Variants in NTNG1 observed in about 807,000 individuals in gnomAD.
The protein encoded by NTNG1 is netrin-G1.
In NTNG1, 16 loss-of-function variants were observed where a neutral mutation model predicts 54.0. That is an observed-to-expected ratio of 0.30 (90% CI 0.20 to 0.45). The LOEUF (loss-of-function observed/expected upper bound fraction) is 0.45, where lower values mean the gene tolerates loss of function less well. Ranked by LOEUF, NTNG1 falls within the 20% of genes least tolerant of loss-of-function variation. NTNG1 has a pLI of 1.00. For missense variants in NTNG1, 530 were observed against 678.7 expected (o/e 0.78, Z 2.43); for synonymous variants, 255 against 263.1 (o/e 0.97, Z 0.30).
At chr1:107,391,313 T>C (rs1672342837) in intron 3 of NTNG1, among the ~76,000 whole-genome samples, 1 of 152,110 alleles carries the variant, frequency 6.6e-6, no homozygotes, top group African/African-American at 2.4e-5. Flanking sequence ...CCAAAATATA[T>C]TTGTGTAAAA....
At chr1:107,333,908 C>G in intron 3 of NTNG1, 1 of 148,374 alleles carries the variant, frequency 6.7e-6, no homozygotes, top group Admixed American at 6.8e-5. Context: ...AAATTAAGTA[C>G]TGTATTGGAA....
At chr1:107,383,388 A>G (rs1181229939) in intron 3 of NTNG1, among the ~76,000 whole-genome samples, 2 of 152,206 alleles carry the variant, frequency 1.3e-5, no homozygotes, top group Admixed American at 1.3e-4. Context: ...AATCCAAGGA[A>G]GTATATAAGA....
chr1:107,353,072 A>G lies in NTNG1; in HGVS notation c.887+28150A>G, dbSNP rs561869607. Among the ~76,000 whole-genome samples, 3 of 152,320 alleles carry G rather than the reference A, an allele frequency of 2.0e-5. No homozygotes were observed. The East Asian group carries it at 5.8e-4, about 29-fold the overall frequency. ...GAAATGCCTTCAAGGCTGTTCCCCCATTGTCTTGGATATTAACATTTGCAT... is the reference window on the plus strand; with the variant it reads ...GAAATGCCTTCAAGGCTGTTCCCCCGTTGTCTTGGATATTAACATTTGCAT... On this transcript the variant is annotated intron_variant, in intron 3 of 7. Coordinates refer to ENST00000370068, the MANE Select transcript of NTNG1 (RefSeq NM_001113226.3).
At chr1:107,191,933 A>G (rs111705782) in intron 2 of NTNG1, among the ~76,000 whole-genome samples, 9,700 of 152,086 alleles carry the variant, frequency 0.064, 407 homozygotes, top group African/African-American at 0.12. Context: ...TTCCATATGA[A>G]CTTTAAAGTA....
intron 2 of NTNG1, among the ~76,000 whole-genome samples, chr1:107,257,511 C>G (rs888888723): frequency 5.9e-5 from 9 of 152,074 alleles, no homozygotes; most frequent in African/African-American, 2.2e-4. Flanking sequence ...ATGAAAAGAC[C>G]AAAACCTATC....
At chr1:107,262,900 G>A (rs577935534) in intron 2 of NTNG1, among the ~76,000 whole-genome samples, 3 of 152,144 alleles carry the variant, frequency 2.0e-5, no homozygotes, top group South Asian at 2.1e-4. Context: ...ATTCTTAGCC[G>A]TGAACATCTG....
At chr1:107,150,105 T>C (rs1424319553) in intron 2 of NTNG1, among the ~76,000 whole-genome samples, 3 of 152,194 alleles carry the variant, frequency 2.0e-5, no homozygotes, top group African/African-American at 7.2e-5. Flanking sequence ...GTTTGAATTA[T>C]AGTCTAAACC....
At chr1:107,475,439 G>A (rs1172593353) in intron 7 of NTNG1, among the ~76,000 whole-genome samples, 2 of 152,148 alleles carry the variant, frequency 1.3e-5, no homozygotes, top group Non-Finnish European at 2.9e-5. Context: ...TTCTATGCAA[G>A]CAAATTACAT....
intron 2 of NTNG1, among the ~76,000 whole-genome samples, chr1:107,258,589 T>G (rs1228068655): frequency 6.6e-6 from 1 of 152,236 alleles, no homozygotes; most frequent in African/African-American, 2.4e-5. Context: ...ATACCTGTTT[T>G]AAGGTGGCTT....
chr1:107,377,361 T>A (rs1195039766), intron 3 of NTNG1, among the ~76,000 whole-genome samples: 1 of 152,136 alleles, frequency 6.6e-6, no homozygotes, highest in African/African-American at 2.4e-5. Context: ...GAGAACTCCT[T>A]TATCCCTCTA....
chr1:107,312,142 A>G (rs1667054883), intron 2 of NTNG1, among the ~76,000 whole-genome samples: 1 of 152,200 alleles, frequency 6.6e-6, no homozygotes, highest in African/African-American at 2.4e-5. Context: ...TGAGCCTATT[A>G]ATGATAATTC....
At chr1:107,307,652 T>C (rs1422914752) in intron 2 of NTNG1, among the ~76,000 whole-genome samples, 1 of 152,232 alleles carries the variant, frequency 6.6e-6, no homozygotes, top group Admixed American at 6.5e-5. Flanking sequence ...AATTATTTGT[T>C]CCAGTTGTCC....
At chr1:107,265,137 C>G (rs376175794) in intron 2 of NTNG1, among the ~76,000 whole-genome samples, 85 of 152,300 alleles carry the variant, frequency 5.6e-4, no homozygotes, top group African/African-American at 1.9e-3. Flanking sequence ...TTCCAATATT[C>G]TATCTCAGTT....
intron 3 of NTNG1, among the ~76,000 whole-genome samples, chr1:107,369,382 A>T (rs1377000750): frequency 6.6e-6 from 1 of 152,196 alleles, no homozygotes; most frequent in Non-Finnish European, 1.5e-5. Flanking sequence ...TGAGAGTTCC[A>T]GTTCCTCCAC....
rs398049560 is a variant in NTNG1 at position 107,354,468 on chromosome 1, CAAAAAAA to C, written c.887+29564_887+29570del. Among the ~76,000 whole-genome samples, 18 of 66,126 alleles carry C rather than the reference CAAAAAAA, an allele frequency of 2.7e-4. No individual in the cohort carries two copies. In the Admixed American group the frequency reaches 3.0e-3, roughly 11 times the overall value. The allele number at this position is 66,126 out of a possible 152,430, so 43.4% of individuals were successfully genotyped here. A position where few individuals can be genotyped will look rare whatever the true frequency, so the allele number is the denominator to read the frequency against. On this transcript the variant is annotated intron_variant, in intron 3 of 7. Coordinates refer to ENST00000370068, the MANE Select transcript of NTNG1 (RefSeq NM_001113226.3). ...TGGACGACAAACTGAGACTCCATCT[CAAAAAAA>C]AAAAAAAAAAAAAAAAAGAATTAAA...
chr1:107,394,906 T>A (rs546111112), intron 3 of NTNG1, among the ~76,000 whole-genome samples: 1 of 152,240 alleles, frequency 6.6e-6, no homozygotes, highest in Admixed American at 6.5e-5. Flanking sequence ...AGGCCCCCAC[T>A]GACTTGACTG....
At chr1:107,194,530 A>T (rs1658185300) in intron 2 of NTNG1, among the ~76,000 whole-genome samples, 1 of 151,986 alleles carries the variant, frequency 6.6e-6, no homozygotes, top group Non-Finnish European at 1.5e-5. Context: ...GAGGAAAGAG[A>T]CAGCCCCAGT....
At chr1:107,346,933 A>G (rs1292822018) in intron 3 of NTNG1, among the ~76,000 whole-genome samples, 2 of 150,164 alleles carry the variant, frequency 1.3e-5, no homozygotes, top group Admixed American at 1.3e-4. Context: ...TTGTGGGGAC[A>G]TGTGCTGACC....
intron 7 of NTNG1, among the ~76,000 whole-genome samples, chr1:107,446,592 C>T (rs1293578504): frequency 2.0e-5 from 3 of 152,054 alleles, no homozygotes; most frequent in Non-Finnish European, 4.4e-5. Context: ...TTCTTCTGAA[C>T]ACAGTCCATG....
Sources: gnomAD v4.1 joint callset for allele counts (sites outside exome capture counted in the v4.1 genomes callset) on GRCh38, gnomAD v4.1.1 for gene constraint, MANE v1.5 for transcripts, NCBI Gene and HGNC (gene_info 2026-07-23, HGNC 2026-07-21) for gene names.